Variants in UST observed in about 807,000 individuals in gnomAD.
The protein encoded by UST is uronyl 2-sulfotransferase.
In UST, 21 loss-of-function variants were observed where a neutral mutation model predicts 45.6. The ratio of observed to expected loss-of-function variants is 0.46; its 90% confidence interval spans 0.33 to 0.66. The LOEUF (loss-of-function observed/expected upper bound fraction) is 0.66. UST is among the 30% of genes least tolerant of loss of function. The probability of loss-of-function intolerance (pLI) is 0.02; values close to 1 mark genes in which losing one functional copy is unlikely to be tolerated. For missense variants in UST, 463 were observed against 512.4 expected, an observed-to-expected ratio of 0.90 and a Z score of 0.93; for synonymous variants, 215 against 200.6, an observed-to-expected ratio of 1.07 and a Z score of -0.61.
At chr6:149,010,516 A>G (rs1215794120) in intron 5 of UST, among the ~76,000 whole-genome samples, 2 of 152,162 alleles carry the variant, frequency 1.3e-5, no homozygotes, top group Non-Finnish European at 2.9e-5. Flanking sequence ...TAGTTCATTG[A>G]AAAGAGCCTA....
Position 148,870,104 on chromosome 6 carries a change from T to TCACACACACACACACACACACACACA in UST, c.248-16869_248-16844dup, listed in dbSNP as rs60229120. Among the ~76,000 whole-genome samples, 498 of 141,522 alleles carry TCACACACACACACACACACACACACA rather than the reference T, an allele frequency of 3.5e-3. 4 individuals carry two copies. The highest frequency in any genetic ancestry group is 3.9e-3 in the Non-Finnish European group (252 of 65,346). The allele number at this position is 141,522 out of a possible 152,430, so 92.8% of individuals were successfully genotyped here. On this transcript the variant is annotated intron_variant, in intron 1 of 7. Coordinates refer to ENST00000367463, the MANE Select transcript of UST (RefSeq NM_005715.3). The stretch of plus-strand genomic sequence containing the variant: ...CCCCCAGCTTCACAGTGGTAATGTT[T>TCACACACACACACACACACACACACA]CACACACACACACACACACACACAC...
intron 1 of UST, among the ~76,000 whole-genome samples, chr6:148,768,514 C>T (rs1776360600): frequency 6.6e-6 from 1 of 152,038 alleles, no homozygotes; most frequent in Non-Finnish European, 1.5e-5. Context: ...TGCTTTTAGG[C>T]TTAGAAAAGA....
intron 1 of UST, among the ~76,000 whole-genome samples, chr6:148,792,192 G>A (rs953479774): frequency 6.6e-5 from 10 of 152,194 alleles, no homozygotes; most frequent in African/African-American, 1.7e-4. Flanking sequence ...ATGACCTAGA[G>A]AATGATACTT....
rs567249676 is a variant in UST at position 148,778,888 on chromosome 6, C to T, written c.247+31211C>T. Among the ~76,000 whole-genome samples, 123 of 152,258 alleles carry T rather than the reference C, an allele frequency of 8.1e-4. 1 individual carries two copies. The highest frequency in any genetic ancestry group is 7.7e-3 in the East Asian group (40 of 5,166). ...AAGGCCCACCCCCCTCCATCCCATC[C>T]GGAATCCAGATTGCATTGGTTGAGC... On this transcript the variant is annotated intron_variant, in intron 1 of 7. Transcript: ENST00000367463.
intron 5 of UST, among the ~76,000 whole-genome samples, chr6:148,986,224 T>C (rs1471401657): frequency 1.3e-5 from 2 of 152,216 alleles, no homozygotes; most frequent in Non-Finnish European, 2.9e-5. Flanking sequence ...GACCATTGGT[T>C]ACTTACTCTT....
At position 148,801,284 on chromosome 6, in the gene UST, G is replaced by A. The variant is rs954136102; in HGVS notation, c.247+53607G>A. 4.6e-5 allele frequency among the ~76,000 whole-genome samples: 7 copies of A among 152,200 alleles called. No homozygotes were observed. The South Asian group carries it at 1.2e-3, about 27-fold the overall frequency. ...TGATTTCAGTGTACTTCATCTGTGG[G>A]ATTTCATGGGGTCTTGTTAAGGGTG... On this transcript the variant is annotated intron_variant, in intron 1 of 7. Coordinates refer to ENST00000367463, the MANE Select transcript of UST (RefSeq NM_005715.3).
intron 1 of UST, among the ~76,000 whole-genome samples, chr6:148,765,767 C>T (rs1415747773): frequency 6.6e-6 from 1 of 152,226 alleles, no homozygotes; most frequent in African/African-American, 2.4e-5. Context: ...GGAACTAATA[C>T]ATGTCCATGA....
At chr6:149,013,585 C>T (rs1426883911) in intron 5 of UST, among the ~76,000 whole-genome samples, 1 of 152,014 alleles carries the variant, frequency 6.6e-6, no homozygotes, top group African/African-American at 2.4e-5. Context: ...GTTTCATCGA[C>T]TGAGATTATG....
chr6:149,061,537 G>A (rs942434141), intron 7 of UST, among the ~76,000 whole-genome samples: 4 of 88,520 alleles, frequency 4.5e-5, no homozygotes, highest in Non-Finnish European at 9.2e-5. Flanking sequence ...TTCACATCCA[G>A]AAGTTAAGCT....
chr6:148,880,171 T>C (rs1252118701), intron 1 of UST, among the ~76,000 whole-genome samples: 1 of 152,178 alleles, frequency 6.6e-6, no homozygotes, highest in Admixed American at 6.5e-5. Flanking sequence ...GCCAGGCTAG[T>C]GTCAAACTCC....
At chr6:148,830,740 A>G (rs1777668312) in intron 1 of UST, among the ~76,000 whole-genome samples, 1 of 152,236 alleles carries the variant, frequency 6.6e-6, no homozygotes, top group African/African-American at 2.4e-5. Flanking sequence ...CACTCATTTG[A>G]AGTACCTAGA....
intron 5 of UST, among the ~76,000 whole-genome samples, chr6:148,975,849 A>G (rs148258190): frequency 1.6e-3 from 240 of 152,342 alleles, no homozygotes; most frequent in African/African-American, 5.4e-3. Flanking sequence ...TGAGTTGTCT[A>G]TCCTGTGGAA....
intron 5 of UST, among the ~76,000 whole-genome samples, chr6:148,967,679 C>A (rs1054322608): frequency 6.6e-6 from 1 of 152,218 alleles, no homozygotes; most frequent in Non-Finnish European, 1.5e-5. Context: ...CACCCCTCCC[C>A]TCGGAGGCCC....
At chr6:148,996,921 T>C (rs1781464175) in intron 5 of UST, among the ~76,000 whole-genome samples, 1 of 152,228 alleles carries the variant, frequency 6.6e-6, no homozygotes, top group Non-Finnish European at 1.5e-5. Context: ...TTTTTTATGT[T>C]TTTAATTAGA....
At chr6:148,806,320 A>G (rs1777144926) in intron 1 of UST, among the ~76,000 whole-genome samples, 1 of 152,174 alleles carries the variant, frequency 6.6e-6, no homozygotes, top group Non-Finnish European at 1.5e-5. Context: ...CTTGAAACTT[A>G]GAAGGATTTA....
chr6:148,857,021 A>G (rs1778218534), intron 1 of UST, among the ~76,000 whole-genome samples: 1 of 150,098 alleles, frequency 6.7e-6, no homozygotes, highest in South Asian at 2.1e-4. Context: ...TATATAAACT[A>G]TATGCCTATT....
At chr6:148,970,801 A>G (rs901019899) in intron 5 of UST, among the ~76,000 whole-genome samples, 2 of 152,050 alleles carry the variant, frequency 1.3e-5, no homozygotes, top group African/African-American at 4.8e-5. Flanking sequence ...AGCCCCTCTT[A>G]TGCTTCACAC....
chr6:149,023,136 GT>G (rs1776003260), intron 7 of UST, among the ~76,000 whole-genome samples: 1 of 147,518 alleles, frequency 6.8e-6, no homozygotes, highest in Non-Finnish European at 1.5e-5. Flanking sequence ...GTGTGTGTGT[GT>G]GTGTGTGTGT....
chr6:148,891,573 A>G (rs1394369190), intron 2 of UST, among the ~76,000 whole-genome samples: 1 of 152,208 alleles, frequency 6.6e-6, no homozygotes, highest in African/African-American at 2.4e-5. Flanking sequence ...GCCAAAGGTC[A>G]CACACTAAGT....
Sources: gnomAD v4.1 joint callset for allele counts (sites outside exome capture counted in the v4.1 genomes callset) on GRCh38, gnomAD v4.1.1 for gene constraint, MANE v1.5 for transcripts, NCBI Gene and HGNC (gene_info 2026-07-23, HGNC 2026-07-21) for gene names.